PLD3: variants seen among roughly 807,000 people sequenced by gnomAD.
The protein encoded by PLD3 is phospholipase D family member 3.
PLD3 carries 31 observed loss-of-function variants against 58.4 expected under a neutral mutation model. The ratio of observed to expected loss-of-function variants is 0.53; its 90% confidence interval spans 0.40 to 0.72. PLD3 has a LOEUF of 0.72. Among genes scored for constraint, PLD3 ranks in the 30% least tolerant of loss-of-function variants. The pLI is 0.00. For synonymous variants in PLD3, 264 were observed against 273.4 expected (o/e 0.97, Z 0.34); for missense variants, 595 against 659.8 (o/e 0.90, Z 1.08).
chr19:40,364,083 C>T (rs1461604160), intron 1 of PLD3, among the ~76,000 whole-genome samples: 2 of 152,052 alleles, frequency 1.3e-5, no homozygotes, highest in Admixed American at 1.3e-4. Context: ...AGGCTGGGCA[C>T]AGTGGCTCAT....
intron 4 of PLD3, 26 bp downstream of exon 4, chr19:40,366,710 C>G: frequency 6.2e-7 from 1 of 1,613,896 alleles, no homozygotes; most frequent in Non-Finnish European, 8.5e-7. Context: ...CACCCTCGCT[C>G]TGTCTCAGAG....
In PLD3 at chr19:40,370,256, T is replaced by A. The variant is rs2079035004; in HGVS notation, c.678+19T>A. The A allele has an allele frequency of 1.9e-6, 3 of 1,605,342 alleles. No homozygotes were observed. The East Asian group carries it at 6.7e-5, about 36-fold the overall frequency. ...GACCCAGGTCTGTCTGCACCCTGTC[T>A]ACCTTCCTTCCAGGCCACTCCCTGC... On this transcript the variant is annotated intron_variant, in intron 8 of 12. Transcript: ENST00000409735.
intron 1 of PLD3, among the ~76,000 whole-genome samples, chr19:40,350,255 C>T (rs1318052000): frequency 3.5e-5 from 4 of 114,844 alleles, no homozygotes; most frequent in Admixed American, 1.2e-4. Flanking sequence ...AGCGAGACTC[C>T]GTCTCAAAAA....
At chr19:40,349,425 G>A (rs1035716393) in intron 1 of PLD3, among the ~76,000 whole-genome samples, 1 of 152,044 alleles carries the variant, frequency 6.6e-6, no homozygotes, top group Non-Finnish European at 1.5e-5. Flanking sequence ...ATTTCCCCGT[G>A]TCACATCTCA....
Position 40,374,586 on chromosome 19 carries a change from T to TACCTGCCC in PLD3, c.988_995dup (p.Leu333CysfsTer66), listed in dbSNP as rs769139440. The TACCTGCCC allele has an allele frequency of 6.2e-7, 1 of 1,614,160 alleles. No homozygotes were observed. The highest frequency in any genetic ancestry group is 1.7e-5 in the Admixed American group (1 of 60,008). On this transcript the variant is annotated frameshift_variant, in exon 10 of 13. Transcript: ENST00000409735. LOFTEE classifies it high-confidence loss of function. ...TTTCATCTACGTCGCTGTCATGAAC[T>TACCTGCCC]ACCTGCCCACTCTGGAGTTCTCCCA... is the stretch of plus-strand genomic sequence containing the variant.
intron 1 of PLD3, 22 bp downstream of exon 1, chr19:40,348,790 C>T: frequency 3.2e-6 from 1 of 316,586 alleles, no homozygotes; most frequent in East Asian, 5.1e-5. Flanking sequence ...TCTGGGGGCG[C>T]GGCGCCTCGG....
At chr19:40,376,854 A>G (rs2079218134) in intron 11 of PLD3, 80 bp downstream of exon 11, 2 of 1,357,230 alleles carry the variant, frequency 1.5e-6, no homozygotes, top group Non-Finnish European at 2.0e-6. Context: ...CTCGTCTGTC[A>G]ATGACAAGGG....
intron 1 of PLD3, chr19:40,355,896 G>T (rs960704503): frequency 1.1e-4 from 17 of 152,266 alleles, no homozygotes; most frequent in African/African-American, 4.1e-4. Flanking sequence ...CTGATTTTGA[G>T]CAGGAGTGGG....
chr19:40,374,436 A>G, intron 9 of PLD3, 45 bp from the exon 10 acceptor site: 1 of 1,608,268 alleles, frequency 6.2e-7, no homozygotes, highest in Admixed American at 1.7e-5. Context: ...CGTTGTGACG[A>G]TGACCCTGGC....
chr19:40,366,285 T>C, intron 2 of PLD3, 134 bp from the exon 3 acceptor site: 1 of 621,760 alleles, frequency 1.6e-6, no homozygotes, highest in Non-Finnish European at 2.9e-6. Context: ...ACCAGCTTCC[T>C]CTTTTTGGGG....
At chr19:40,368,684 C>G (rs2078988380) in intron 6 of PLD3, among the ~76,000 whole-genome samples, 1 of 152,130 alleles carries the variant, frequency 6.6e-6, no homozygotes, top group Non-Finnish European at 1.5e-5. Flanking sequence ...AGGAGGATCA[C>G]TGGAGCCCAA....
chr19:40,349,711 C>T (rs1284034042), intron 1 of PLD3, among the ~76,000 whole-genome samples: 1 of 152,180 alleles, frequency 6.6e-6, no homozygotes, highest in Non-Finnish European at 1.5e-5. Flanking sequence ...GTAATCCCAG[C>T]ACTTTAGGAG....
intron 2 of PLD3, 106 bp from the exon 3 acceptor site, chr19:40,366,313 G>C: frequency 1.5e-6 from 1 of 667,310 alleles, no homozygotes; most frequent in Non-Finnish European, 2.7e-6. Context: ...CAGTGTGCCA[G>C]TGGCCCCCAT....
intron 9 of PLD3, among the ~76,000 whole-genome samples, chr19:40,372,994 C>G (rs1025317447): frequency 6.6e-6 from 1 of 152,252 alleles, no homozygotes; most frequent in Non-Finnish European, 1.5e-5. Flanking sequence ...TTGGACAACA[C>G]TGGCTCTCGC....
chr19:40,363,119 T>C (rs565103719), intron 1 of PLD3, among the ~76,000 whole-genome samples: 2 of 152,300 alleles, frequency 1.3e-5, no homozygotes, highest in East Asian at 3.9e-4. Flanking sequence ...GCCCTGACGC[T>C]GCCAGCCCTG....
chr19:40,378,243 C>G lies in PLD3; in HGVS notation c.*70C>G. ...ACCCAGGTGCTCTGGGTCACGGTCC[C>G]TGTCCCCGCGCCCCCGCTTCTGTCT... On this transcript the variant is annotated 3_prime_UTR_variant, in exon 13 of 13. Coordinates refer to ENST00000409735, the MANE Select transcript of PLD3 (RefSeq NM_012268.4). The G allele has an allele frequency of 6.9e-7, 1 of 1,439,698 alleles. No homozygotes were observed. The highest frequency in any genetic ancestry group is 9.7e-7 in the Non-Finnish European group (1 of 1,034,814). 89.2% of individuals were successfully genotyped at this position (1,439,698 alleles called of 1,614,324 possible). A position where few individuals can be genotyped will look rare whatever the true frequency, so the allele number is the denominator to read the frequency against.
chr19:40,373,991 CAAAAA>C (rs750537190), intron 9 of PLD3, among the ~76,000 whole-genome samples: 79 of 43,576 alleles, frequency 1.8e-3, no homozygotes, highest in Non-Finnish European at 1.5e-3. Flanking sequence ...GACTCCATCT[CAAAAA>C]AAAAAAAAAA....
chr19:40,363,776 AAG>A (rs1262780084), intron 1 of PLD3, among the ~76,000 whole-genome samples: 2 of 152,120 alleles, frequency 1.3e-5, no homozygotes, highest in Non-Finnish European at 2.9e-5. Context: ...CTGCCATGAA[AAG>A]AGGGGATCTA....
At chr19:40,353,010 C>T (rs2078556621) in intron 1 of PLD3, among the ~76,000 whole-genome samples, 1 of 152,182 alleles carries the variant, frequency 6.6e-6, no homozygotes, top group Non-Finnish European at 1.5e-5. Flanking sequence ...TGTCTCACTC[C>T]ACACCCTGCA....
Sources: gnomAD v4.1 joint callset for allele counts (sites outside exome capture counted in the v4.1 genomes callset) on GRCh38, gnomAD v4.1.1 for gene constraint, MANE v1.5 for transcripts, NCBI Gene and HGNC (gene_info 2026-07-23, HGNC 2026-07-21) for gene names.